Variants in TMEM163 observed in about 807,000 individuals in gnomAD.
TMEM163 encodes the protein transmembrane protein 163.
In TMEM163, 17 loss-of-function variants were observed where a neutral mutation model predicts 29.3. The ratio of observed to expected loss-of-function variants is 0.58; its 90% CI spans 0.40 to 0.87. The LOEUF is 0.87. TMEM163 is among the 40% of genes least tolerant of loss of function. The pLI, the probability that TMEM163 is intolerant of heterozygous loss-of-function variation, is 0.00. For synonymous variants in TMEM163, 157 were observed against 160.6 expected (o/e 0.98, Z 0.17); for missense variants, 303 against 381.5 (o/e 0.79, Z 1.71).
intron 2 of TMEM163, among the ~76,000 whole-genome samples, chr2:134,691,347 C>T (rs537397520): frequency 1.3e-5 from 2 of 152,168 alleles, no homozygotes; most frequent in African/African-American, 4.8e-5. Flanking sequence ...GTCTGCCTAG[C>T]GTAGGCACCA....
intron 2 of TMEM163, among the ~76,000 whole-genome samples, chr2:134,692,612 TGC>T (rs2104884613): frequency 6.6e-6 from 1 of 152,260 alleles, no homozygotes; most frequent in South Asian, 2.1e-4. Flanking sequence ...TCCAGATGGC[TGC>T]CTCCTCACTG....
At chr2:134,457,809 A>G (rs189531819) in intron 7 of TMEM163, among the ~76,000 whole-genome samples, 205 of 152,344 alleles carry the variant, frequency 1.3e-3, no homozygotes, top group African/African-American at 4.7e-3. Flanking sequence ...TTTGTGGCTT[A>G]AAGGCCTGAT....
rs1165332075 is a variant in TMEM163 at position 134,502,881 on chromosome 2, A to G, written c.555+20T>C. 6.2e-7 allele frequency: 1 copy of G among 1,610,666 alleles called. No homozygotes were observed. The highest frequency in any genetic ancestry group is 8.5e-7 in the Non-Finnish European group (1 of 1,177,864). On this transcript the variant is annotated intron_variant, in intron 5 of 7. Coordinates refer to ENST00000281924, the MANE Select transcript of TMEM163 (RefSeq NM_030923.5). ...CCAGCGCTGGCAGGAAGGATTGTTA[A>G]GGAAGAAGAAGGACCTTACCACTTC... is the stretch of plus-strand genomic sequence containing the variant.
At chr2:134,618,058 G>A (rs1553486101) in intron 2 of TMEM163, among the ~76,000 whole-genome samples, 2 of 152,064 alleles carry the variant, frequency 1.3e-5, no homozygotes, top group Non-Finnish European at 2.9e-5. Context: ...AGGCTGCAGT[G>A]AGCCATGATC....
chr2:134,596,754 G>A (rs1682094335), intron 2 of TMEM163, among the ~76,000 whole-genome samples: 1 of 152,056 alleles, frequency 6.6e-6, no homozygotes, highest in Admixed American at 6.5e-5. Flanking sequence ...AGCATGGAAT[G>A]TTCTTCCATT....
intron 2 of TMEM163, among the ~76,000 whole-genome samples, chr2:134,614,373 T>C (rs1376513870): frequency 2.0e-5 from 3 of 152,020 alleles, no homozygotes; most frequent in Non-Finnish European, 4.4e-5. Flanking sequence ...GTTTTTCTAA[T>C]ATTTTCTAAT....
intron 2 of TMEM163, among the ~76,000 whole-genome samples, chr2:134,687,265 G>A (rs1440277989): frequency 6.6e-6 from 1 of 152,116 alleles, no homozygotes; most frequent in East Asian, 1.9e-4. Context: ...TAGAAATGGG[G>A]TTGACAAAAA....
intron 2 of TMEM163, among the ~76,000 whole-genome samples, chr2:134,648,304 CCTCTTCTCTT>C (rs60230448): frequency 0.012 from 1,661 of 143,200 alleles, 20 homozygotes; most frequent in African/African-American, 0.027. Flanking sequence ...CACTGCTTCT[CCTCTTCTCTT>C]CTCTTCTCTT....
intron 4 of TMEM163, among the ~76,000 whole-genome samples, chr2:134,547,802 G>A (rs1441824569): frequency 1.3e-5 from 2 of 152,118 alleles, no homozygotes; most frequent in Non-Finnish European, 2.9e-5. Flanking sequence ...TTGCCTTTTC[G>A]ACAATGATAT....
At chr2:134,596,891 G>T (rs1364419217) in intron 2 of TMEM163, among the ~76,000 whole-genome samples, 6 of 152,084 alleles carry the variant, frequency 3.9e-5, no homozygotes. Context: ...AATGGGATTT[G>T]TCTCTCATGA....
chr2:134,650,738 C>A (rs1465368285), intron 2 of TMEM163, among the ~76,000 whole-genome samples: 4 of 128,158 alleles, frequency 3.1e-5, no homozygotes, highest in African/African-American at 1.4e-4. Context: ...ATTCCCCTTC[C>A]TGTGTCCATG....
chr2:134,649,187 T>C (rs1328501163), intron 2 of TMEM163, among the ~76,000 whole-genome samples: 2 of 152,116 alleles, frequency 1.3e-5, no homozygotes, highest in African/African-American at 4.8e-5. Flanking sequence ...ATATATAAAA[T>C]TATCAAACTC....
chr2:134,693,608 C>CAAAA (rs35183610), intron 2 of TMEM163, among the ~76,000 whole-genome samples: 1 of 66,644 alleles, frequency 1.5e-5, no homozygotes, highest in African/African-American at 3.7e-5. Flanking sequence ...AAAACTACAT[C>CAAAA]AAAAAAAAAA....
At chr2:134,615,424 A>G (rs1682588669) in intron 2 of TMEM163, among the ~76,000 whole-genome samples, 1 of 152,232 alleles carries the variant, frequency 6.6e-6, no homozygotes, top group Non-Finnish European at 1.5e-5. Context: ...GGGTGAGATA[A>G]TGTTGAAGAC....
At position 134,473,535 on chromosome 2, in the gene TMEM163, C is replaced by CAAAAA. The variant is rs59806390; in HGVS notation, c.556-7315_556-7311dup. 2.9e-3 allele frequency among the ~76,000 whole-genome samples: 303 copies of CAAAAA among 103,880 alleles called. 1 individual carries two copies. The highest frequency in any genetic ancestry group is 9.2e-3 in the African/African-American group (289 of 31,310). 68.1% of individuals were successfully genotyped at this position (103,880 alleles called of 152,430 possible). On this transcript the variant is annotated intron_variant, in intron 5 of 7. Transcript: ENST00000281924. ...GTGCAACAAGAGTGAAACTCTGTCT[C>CAAAAA]AAAAAAAAAAAAAAGAAAAAGAAAC... is the stretch of plus-strand genomic sequence containing the variant.
chr2:134,579,491 C>G (rs915795079), intron 2 of TMEM163, among the ~76,000 whole-genome samples: 2 of 152,182 alleles, frequency 1.3e-5, no homozygotes, highest in Admixed American at 1.3e-4. Flanking sequence ...TCCAAATGAA[C>G]AGACTCACTG....
chr2:134,560,826 C>T (rs1335089013), intron 2 of TMEM163, among the ~76,000 whole-genome samples: 1 of 152,204 alleles, frequency 6.6e-6, no homozygotes, highest in South Asian at 2.1e-4. Flanking sequence ...ACATGACCCC[C>T]GTTCCAAAGC....
In TMEM163 at chr2:134,631,202, T is replaced by C. The variant is rs1365555769; in HGVS notation, c.323-79111A>G. Among the ~76,000 whole-genome samples the C allele has an allele frequency of 3.9e-5, 6 of 152,286 alleles. No homozygotes were observed. In the East Asian group the frequency reaches 7.7e-4, roughly 20 times the overall value. ...TGGCTAGAATATGTCAAGGGGGACATGGCAGTTCCGACATTCGCAGGCAGT... is the reference window on the plus strand; with the variant it reads ...TGGCTAGAATATGTCAAGGGGGACACGGCAGTTCCGACATTCGCAGGCAGT... On this transcript the variant is annotated intron_variant, in intron 2 of 7. Coordinates refer to ENST00000281924, the MANE Select transcript of TMEM163 (RefSeq NM_030923.5).
At chr2:134,649,441 A>G (rs374464544) in intron 2 of TMEM163, among the ~76,000 whole-genome samples, 4 of 152,222 alleles carry the variant, frequency 2.6e-5, no homozygotes, top group African/African-American at 9.6e-5. Context: ...CAATAGTGCA[A>G]TGTAGCCCAT....
Sources: gnomAD v4.1 joint callset for allele counts (sites outside exome capture counted in the v4.1 genomes callset) on GRCh38, gnomAD v4.1.1 for gene constraint, MANE v1.5 for transcripts, NCBI Gene and HGNC (gene_info 2026-07-23, HGNC 2026-07-21) for gene names.